Variants in SPECC1 observed in about 807,000 individuals in gnomAD.
The protein encoded by SPECC1 is sperm antigen with calponin homology and coiled-coil domains 1, also known as cytospin-B.
Under a neutral mutation model 104.1 loss-of-function variants are expected in SPECC1, and 62 were observed. The ratio of observed to expected loss-of-function variants is 0.60; its 90% CI spans 0.49 to 0.74. The LOEUF is 0.74. Ranked by LOEUF, SPECC1 falls within the 30% of genes least tolerant of loss-of-function variation. The pLI, the probability that SPECC1 is intolerant of heterozygous loss-of-function variation, is 0.00. For synonymous variants in SPECC1, 513 were observed against 501.6 expected (o/e 1.02, Z -0.30); for missense variants, 1,306 against 1,310.5 (o/e 1.00, Z 0.05).
chr17:20,258,796 C>G (rs544600546), intron 11 of SPECC1, among the ~76,000 whole-genome samples: 2 of 152,382 alleles, frequency 1.3e-5, no homozygotes, highest in African/African-American at 4.8e-5. Context: ...TACCTAACAC[C>G]TGGCACATTG....
chr17:20,100,114 T>G (rs1343887903), intron 2 of SPECC1, among the ~76,000 whole-genome samples: 1 of 152,224 alleles, frequency 6.6e-6, no homozygotes, highest in Non-Finnish European at 1.5e-5. Flanking sequence ...ATTAATGTTT[T>G]GAATAACTTT....
At chr17:20,137,671 T>C (rs1016518131) in intron 3 of SPECC1, among the ~76,000 whole-genome samples, 7 of 152,198 alleles carry the variant, frequency 4.6e-5, no homozygotes, top group African/African-American at 1.7e-4. Flanking sequence ...TTTTATTTAT[T>C]ATTTTGTTTT....
At chr17:20,065,312 G>C (rs184949612) in intron 1 of SPECC1, among the ~76,000 whole-genome samples, 1 of 152,176 alleles carries the variant, frequency 6.6e-6, no homozygotes, top group Non-Finnish European at 1.5e-5. Flanking sequence ...CCCCAAGGCT[G>C]CCTCCTTCTC....
intron 7 of SPECC1, among the ~76,000 whole-genome samples, chr17:20,239,661 A>G (rs866458192): frequency 1.5e-4 from 23 of 152,156 alleles, no homozygotes; most frequent in African/African-American, 5.1e-4. Flanking sequence ...TTTTTATAGA[A>G]TGGGTTTTTC....
At chr17:20,076,086 C>T (rs2046748667) in intron 1 of SPECC1, among the ~76,000 whole-genome samples, 1 of 152,210 alleles carries the variant, frequency 6.6e-6, no homozygotes, top group African/African-American at 2.4e-5. Context: ...TACTGCATTT[C>T]ATTCTGAGTG....
intron 9 of SPECC1, among the ~76,000 whole-genome samples, chr17:20,248,929 A>G (rs1196927910): frequency 6.6e-6 from 1 of 152,126 alleles, no homozygotes; most frequent in Admixed American, 6.6e-5. Flanking sequence ...TATTCTCCCT[A>G]AATATCTTAA....
intron 3 of SPECC1, among the ~76,000 whole-genome samples, chr17:20,141,632 A>G (rs2030810051): frequency 6.6e-6 from 1 of 152,218 alleles, no homozygotes; most frequent in Non-Finnish European, 1.5e-5. Context: ...TGACTGAGTT[A>G]CAACCATCAC....
intron 7 of SPECC1, among the ~76,000 whole-genome samples, chr17:20,239,878 GTTTTT>G (rs60216339): frequency 0.53 from 19,808 of 37,238 alleles, 4,863 homozygotes; most frequent in East Asian, 0.83. Context: ...ATTTCGCTGA[GTTTTT>G]TTTTTTTTTT....
chr17:20,302,273 C>T (rs1419001189), intron 13 of SPECC1, among the ~76,000 whole-genome samples: 1 of 152,210 alleles, frequency 6.6e-6, no homozygotes, highest in African/African-American at 2.4e-5. Context: ...CTTAGGCTGT[C>T]CTGGAACTGG....
chr17:20,317,105 A>G lies in SPECC1; in HGVS notation c.*3040A>G, dbSNP rs992565832. On this transcript the variant is annotated 3_prime_UTR_variant, in exon 15 of 15. Coordinates refer to ENST00000395527, the MANE Select transcript of SPECC1 (RefSeq NM_001243439.2). ...GGTGTGCATGTAGAAGAGGAATGCC[A>G]TGTCCTGTCCATAGAAATACACATG... 1.1e-5 allele frequency: 2 copies of G among 185,688 alleles called. No homozygotes were observed. The highest frequency in any genetic ancestry group is 4.7e-5 in the African/African-American group (2 of 42,170). 11.5% of individuals were successfully genotyped at this position (185,688 alleles called of 1,614,324 possible).
chr17:20,133,392 T>C (rs563165626), intron 3 of SPECC1, among the ~76,000 whole-genome samples: 11 of 151,934 alleles, frequency 7.2e-5, no homozygotes, highest in East Asian at 1.9e-4. Context: ...GTGATTTTTT[T>C]CCCCCTTGAA....
intron 3 of SPECC1, among the ~76,000 whole-genome samples, chr17:20,186,336 A>G (rs1038285220): frequency 1.3e-5 from 2 of 152,244 alleles, no homozygotes; most frequent in African/African-American, 2.4e-5. Flanking sequence ...AAAGCAATGT[A>G]CATGCCTTAA....
chr17:20,240,441 T>C (rs1184642599), intron 7 of SPECC1, among the ~76,000 whole-genome samples: 2 of 152,140 alleles, frequency 1.3e-5, no homozygotes, highest in African/African-American at 4.8e-5. Context: ...AATTTTATAT[T>C]TTTATGTAAA....
At chr17:20,090,407 G>C (rs1310879319) in intron 1 of SPECC1, among the ~76,000 whole-genome samples, 5 of 151,992 alleles carry the variant, frequency 3.3e-5, no homozygotes, top group African/African-American at 1.2e-4. Context: ...TCCTTTCTCA[G>C]CTCACCTCAG....
intron 4 of SPECC1, among the ~76,000 whole-genome samples, chr17:20,220,609 C>G (rs921090529): frequency 6.0e-5 from 8 of 133,494 alleles, no homozygotes; most frequent in African/African-American, 2.2e-4. Context: ...GATATCAAGT[C>G]ATATCATCTG....
chr17:20,021,020 G>A (rs909162850), intron 1 of SPECC1, among the ~76,000 whole-genome samples: 2 of 152,138 alleles, frequency 1.3e-5, no homozygotes, highest in Non-Finnish European at 2.9e-5. Flanking sequence ...CGTGTGATGT[G>A]TATTATGTAC....
At chr17:20,136,693 C>T (rs555334401) in intron 3 of SPECC1, among the ~76,000 whole-genome samples, 30 of 152,310 alleles carry the variant, frequency 2.0e-4, no homozygotes, top group Admixed American at 1.7e-3. Flanking sequence ...CAAATAGTAA[C>T]GTAAATGGAC....
chr17:20,168,202 G>A (rs902736036), intron 3 of SPECC1, among the ~76,000 whole-genome samples: 1 of 152,152 alleles, frequency 6.6e-6, no homozygotes, highest in African/African-American at 2.4e-5. Flanking sequence ...TCTTACTAAT[G>A]TAGATGCTCT....
chr17:20,252,881 C>A (rs2039683727), intron 9 of SPECC1, among the ~76,000 whole-genome samples: 1 of 152,082 alleles, frequency 6.6e-6, no homozygotes, highest in Admixed American at 6.5e-5. Context: ...TGGATAAATA[C>A]CTAGAAGTGG....
Sources: allele counts gnomAD v4.1 joint callset (sites outside exome capture counted in the v4.1 genomes callset), GRCh38; gene constraint gnomAD v4.1.1; transcripts MANE v1.5; gene names NCBI Gene and HGNC (gene_info 2026-07-23, HGNC 2026-07-21).